Variants in PRIM2 observed in about 807,000 individuals in gnomAD.
The protein encoded by PRIM2 is DNA primase large subunit.
Under a neutral mutation model 67.3 loss-of-function variants are expected in PRIM2, and 39 were observed. The ratio of observed to expected loss-of-function variants is 0.58; its 90% confidence interval spans 0.45 to 0.76. The LOEUF is 0.76. Among genes scored for constraint, PRIM2 ranks in the 30% least tolerant of loss-of-function variants. The probability of loss-of-function intolerance (pLI) is 0.00; values close to 1 mark genes in which losing one functional copy is unlikely to be tolerated. For missense variants in PRIM2, 398 were observed against 598.7 expected, an observed-to-expected ratio of 0.66 and a Z score of 3.50; for synonymous variants, 143 against 198.7, an observed-to-expected ratio of 0.72 and a Z score of 2.36.
At chr6:57,518,049 A>C (rs1232970907) in intron 8 of PRIM2, among the ~76,000 whole-genome samples, 3 of 152,282 alleles carry the variant, frequency 2.0e-5, no homozygotes, top group African/African-American at 7.2e-5. Flanking sequence ...AAAATTAATA[A>C]ATTGAGCTGA....
At chr6:57,317,570 C>A (rs1767517807), upstream of PRIM2, 2 of 152,850 alleles carry the variant, frequency 1.3e-5, no homozygotes, top group East Asian at 3.9e-4. Context: ...CCCTCCTACC[C>A]GCCAAGGGGA....
At chr6:57,611,219 C>A (rs1776660467) in intron 12 of PRIM2, among the ~76,000 whole-genome samples, 1 of 152,116 alleles carries the variant, frequency 6.6e-6, no homozygotes, top group Non-Finnish European at 1.5e-5. Context: ...TAGTTTGCTG[C>A]AAACATAATT....
At chr6:57,264,326 A>T in the PRIM2 span, among the ~76,000 whole-genome samples, 16,105 of 152,060 alleles carry the variant, frequency 0.11, 1,423 homozygotes, top group African/African-American at 0.23. Flanking sequence ...ATTTCATTTT[A>T]GTGGTAGCTT....
the PRIM2 span, among the ~76,000 whole-genome samples, chr6:57,237,539 A>G: frequency 6.6e-6 from 1 of 152,084 alleles, no homozygotes; most frequent in Non-Finnish European, 1.5e-5. Flanking sequence ...TAGGGTTTTT[A>G]TGGTTTTAGG....
chr6:57,452,062 T>G (rs1345040216), intron 7 of PRIM2, among the ~76,000 whole-genome samples: 1 of 152,096 alleles, frequency 6.6e-6, no homozygotes, highest in Non-Finnish European at 1.5e-5. Flanking sequence ...AATAGTTTGC[T>G]GAGAATGATG....
chr6:57,286,962 C>T, the PRIM2 span, among the ~76,000 whole-genome samples: 1 of 152,188 alleles, frequency 6.6e-6, no homozygotes, highest in Non-Finnish European at 1.5e-5. Context: ...TGAACAGACA[C>T]TTCTCAAAAG....
chr6:57,382,906 A>C (rs1027607187), intron 7 of PRIM2: 1 of 152,168 alleles, frequency 6.6e-6, no homozygotes, highest in African/African-American at 2.4e-5. Flanking sequence ...TCAGTTAAAA[A>C]TTGTAGTATT....
the PRIM2 span, among the ~76,000 whole-genome samples, chr6:57,291,840 C>T: frequency 1.6e-3 from 248 of 152,194 alleles, 2 homozygotes; most frequent in Non-Finnish European, 2.4e-3. Context: ...ATTGATGGGA[C>T]GTATCTCAAA....
chr6:57,638,087 G>A (rs1355541106), intron 13 of PRIM2, among the ~76,000 whole-genome samples: 1 of 152,176 alleles, frequency 6.6e-6, no homozygotes, highest in Non-Finnish European at 1.5e-5. Context: ...TAGAGTGGGA[G>A]CCAATATACA....
At chr6:57,640,943 A>AC (rs1172285194) in intron 13 of PRIM2, among the ~76,000 whole-genome samples, 2 of 150,952 alleles carry the variant, frequency 1.3e-5, no homozygotes, top group Non-Finnish European at 3.0e-5. Flanking sequence ...CAAAAAAACA[A>AC]AAAAAAAACA....
At chr6:57,617,863 A>G (rs1776783010) in intron 12 of PRIM2, among the ~76,000 whole-genome samples, 1 of 152,236 alleles carries the variant, frequency 6.6e-6, no homozygotes, top group African/African-American at 2.4e-5. Flanking sequence ...TAAAAGTATT[A>G]TAGCTCTAGC....
At chr6:57,543,180 C>G (rs2127472379) in intron 10 of PRIM2, among the ~76,000 whole-genome samples, 1 of 151,520 alleles carries the variant, frequency 6.6e-6, no homozygotes, top group East Asian at 1.9e-4. Context: ...ACCTCGTGAT[C>G]CGCCCGCCTC....
chr6:57,433,384 C>G (rs1771896718), intron 7 of PRIM2, among the ~76,000 whole-genome samples: 1 of 119,634 alleles, frequency 8.4e-6, no homozygotes, highest in African/African-American at 3.1e-5. Flanking sequence ...TGCTATCCCT[C>G]CCCCCTCCCC....
chr6:57,646,368 TAATTTTTTTC>T lies in PRIM2; in HGVS notation c.*220_*229del, dbSNP rs1252469931. Reference sequence around the variant, plus strand: ...CACAGGTGTGCACCTCATATCCAGATAATTTTTTTCAATTTTTTTTTGTAGAGGTGGGGGG... The same window carrying T: ...CACAGGTGTGCACCTCATATCCAGATAATTTTTTTTTGTAGAGGTGGGGGG... On this transcript the variant is annotated 3_prime_UTR_variant, in exon 14 of 14. Coordinates refer to ENST00000615550, the MANE Select transcript of PRIM2 (RefSeq NM_000947.5). 24 of 526,402 alleles carry T rather than the reference TAATTTTTTTC, an allele frequency of 4.6e-5. No individual in the cohort carries two copies. Among genetic ancestry groups the T allele is most frequent in the Non-Finnish European group, 8.0e-5 (24 of 298,994 alleles). 32.6% of individuals were successfully genotyped at this position (526,402 alleles called of 1,614,324 possible).
chr6:57,587,809 T>C (rs1776220818), intron 10 of PRIM2, among the ~76,000 whole-genome samples: 1 of 151,538 alleles, frequency 6.6e-6, no homozygotes, highest in Non-Finnish European at 1.5e-5. Flanking sequence ...AATTGATAGA[T>C]CCTAGGAAGG....
At chr6:57,470,396 TCCCCCTC>T (rs1773307787) in intron 7 of PRIM2, among the ~76,000 whole-genome samples, 1 of 101,610 alleles carries the variant, frequency 9.8e-6, no homozygotes, top group Admixed American at 1.1e-4. Flanking sequence ...GAGGGGCCTC[TCCCCCTC>T]TCCCCTCTCC....
intron 13 of PRIM2, among the ~76,000 whole-genome samples, chr6:57,642,731 A>G (rs878908728): frequency 0.39 from 59,137 of 151,620 alleles, 11,763 homozygotes; most frequent in East Asian, 0.67. Flanking sequence ...GTGAGCCACC[A>G]CGCCCAGCCC....
chr6:57,376,253 A>T (rs1470158236), intron 5 of PRIM2, among the ~76,000 whole-genome samples: 1 of 152,052 alleles, frequency 6.6e-6, no homozygotes, highest in Non-Finnish European at 1.5e-5. Flanking sequence ...GCCTCAAGCG[A>T]TCCAACCACC....
chr6:57,314,850 T>G (rs1368542001), upstream of PRIM2: 4 of 152,256 alleles, frequency 2.6e-5, no homozygotes, highest in Admixed American at 2.6e-4. Flanking sequence ...TATTGTGCAT[T>G]ATTGCTACCG....
Sources: allele counts gnomAD v4.1 joint callset (sites outside exome capture counted in the v4.1 genomes callset), GRCh38; gene constraint gnomAD v4.1.1; transcripts MANE v1.5; gene names NCBI Gene and HGNC (gene_info 2026-07-23, HGNC 2026-07-21).